BBX: variants seen among roughly 807,000 people sequenced by gnomAD.
The protein encoded by BBX is BBX high mobility group box domain containing.
BBX carries 30 observed loss-of-function variants against 100.2 expected under a neutral mutation model. The observed-to-expected ratio is 0.30, with a 90% CI of 0.22 to 0.41. The LOEUF (loss-of-function observed/expected upper bound fraction) is 0.41. Among genes scored for constraint, BBX ranks in the 10% least tolerant of loss-of-function variants. The probability of loss-of-function intolerance (pLI) is 1.00; values close to 1 mark genes in which losing one functional copy is unlikely to be tolerated. For synonymous variants in BBX, 376 were observed against 388.1 expected, an observed-to-expected ratio of 0.97 and a Z score of 0.37; for missense variants, 1,023 against 1,129.8, an observed-to-expected ratio of 0.91 and a Z score of 1.35.
chr3:107,609,819 C>T (rs1028608543), intron 2 of BBX, among the ~76,000 whole-genome samples: 1 of 151,800 alleles, frequency 6.6e-6, no homozygotes, highest in African/African-American at 2.4e-5. Context: ...TTCAAAAAAA[C>T]CAGCTTTTCA....
chr3:107,751,072 A>G (rs1051721510), intron 9 of BBX, among the ~76,000 whole-genome samples: 13 of 142,326 alleles, frequency 9.1e-5, no homozygotes, highest in Admixed American at 6.6e-4. Flanking sequence ...CCACTGCTCT[A>G]TAGTTATGTG....
At chr3:107,688,374 A>G (rs146652312) in intron 3 of BBX, among the ~76,000 whole-genome samples, 45 of 152,336 alleles carry the variant, frequency 3.0e-4, no homozygotes, top group African/African-American at 1.0e-3. Flanking sequence ...GCCCAAAGTA[A>G]GAGAATCCAG....
At position 107,670,376 on chromosome 3, in the gene BBX, C is replaced by T. The variant is rs572251072; in HGVS notation, c.-10+24467C>T. Among the ~76,000 whole-genome samples, 8 of 152,054 alleles carry T rather than the reference C, an allele frequency of 5.3e-5. No individual in the cohort carries two copies. In the East Asian group the frequency reaches 1.5e-3, roughly 29 times the overall value. On this transcript the variant is annotated intron_variant, in intron 3 of 17. Transcript: ENST00000325805. The stretch of plus-strand genomic sequence containing the variant: ...CTAGTGTAATACTGCTGTTGAATGA[C>T]TGTAGTTAATAATAATATATAGTTT...
chr3:107,678,455 C>T (rs566468656), intron 3 of BBX, among the ~76,000 whole-genome samples: 4 of 152,090 alleles, frequency 2.6e-5, no homozygotes, highest in African/African-American at 7.2e-5. Flanking sequence ...CATGGTGGCT[C>T]AAGCCTATAA....
rs191904048 is a variant in BBX at position 107,689,528 on chromosome 3, T to C, written c.-9-20924T>C. On this transcript the variant is annotated intron_variant, in intron 3 of 17. Transcript: ENST00000325805. ...TGCAGCACTCACGGGCTGTCAGTCA[T>C]AACGACTTCTGAGAGTACTTTAAGA... Among the ~76,000 whole-genome samples, 528 of 152,318 alleles carry C rather than the reference T, an allele frequency of 3.5e-3. 2 individuals are homozygous for C. The highest frequency in any genetic ancestry group is 4.1e-3 in the Non-Finnish European group (277 of 68,024).
At chr3:107,700,042 C>G (rs1414146727) in intron 3 of BBX, among the ~76,000 whole-genome samples, 2 of 151,988 alleles carry the variant, frequency 1.3e-5, no homozygotes, top group Admixed American at 1.3e-4. Flanking sequence ...TGGATCCTAG[C>G]TGCATTAGGC....
rs553918786 is a variant in BBX at position 107,636,372 on chromosome 3, A to G, written c.-83-9464A>G. Among the ~76,000 whole-genome samples, 5 of 152,358 alleles carry G rather than the reference A, an allele frequency of 3.3e-5. No individual in the cohort carries two copies. In the South Asian group the frequency reaches 1.0e-3, roughly 32 times the overall value. On this transcript the variant is annotated intron_variant, in intron 2 of 17. Coordinates refer to ENST00000325805, the MANE Select transcript of BBX (RefSeq NM_001142568.3). Reference sequence around the variant, plus strand: ...GGAGACTGTACGATGAGCAGGCAAAAGCATACATGTCTATAATTTGCTGCT... The same window carrying G: ...GGAGACTGTACGATGAGCAGGCAAAGGCATACATGTCTATAATTTGCTGCT...
chr3:107,644,065 G>C (rs1255396492), intron 2 of BBX, among the ~76,000 whole-genome samples: 1 of 152,086 alleles, frequency 6.6e-6, no homozygotes, highest in Non-Finnish European at 1.5e-5. Flanking sequence ...GTTGCATCAT[G>C]GGTAATAAAT....
At chr3:107,675,100 T>C (rs1392936805) in intron 3 of BBX, among the ~76,000 whole-genome samples, 2 of 152,152 alleles carry the variant, frequency 1.3e-5, no homozygotes, top group African/African-American at 2.4e-5. Context: ...ATTTTAACTA[T>C]ACCATAAATG....
chr3:107,681,216 T>C (rs1035236257), intron 3 of BBX, among the ~76,000 whole-genome samples: 2 of 152,164 alleles, frequency 1.3e-5, no homozygotes, highest in African/African-American at 4.8e-5. Context: ...AGAGGTCACG[T>C]AGAAAATATT....
At chr3:107,781,044 A>G (rs2067831330) in intron 13 of BBX, among the ~76,000 whole-genome samples, 1 of 152,060 alleles carries the variant, frequency 6.6e-6, no homozygotes, top group Admixed American at 6.6e-5. Context: ...CATGACTTAT[A>G]CTAGGTGCCT....
intron 2 of BBX, among the ~76,000 whole-genome samples, chr3:107,551,584 T>A (rs1431030319): frequency 1.3e-5 from 2 of 152,246 alleles, no homozygotes; most frequent in Non-Finnish European, 2.9e-5. Flanking sequence ...CTTTCTGGCA[T>A]CACCGACCTC....
At chr3:107,744,822 A>G (rs1330221219) in intron 8 of BBX, 112 bp downstream of exon 8, 2 of 839,426 alleles carry the variant, frequency 2.4e-6, no homozygotes, top group Non-Finnish European at 3.9e-6. Flanking sequence ...CTCAACCATA[A>G]GTGGGAAAAT....
chr3:107,525,727 T>C (rs922632571), intron 1 of BBX, among the ~76,000 whole-genome samples: 1 of 152,336 alleles, frequency 6.6e-6, no homozygotes, highest in Admixed American at 6.5e-5. Context: ...CTGGTGGCCC[T>C]GCACTTGCCG....
intron 2 of BBX, among the ~76,000 whole-genome samples, chr3:107,613,243 A>G (rs915185128): frequency 1.3e-5 from 2 of 148,342 alleles, no homozygotes; most frequent in African/African-American, 5.0e-5. Flanking sequence ...GCTGGAGTGC[A>G]GTGGCGCATC....
In BBX at chr3:107,789,862, A is replaced by G. The variant is rs374206549; in HGVS notation, c.2279A>G (p.Asn760Ser). 83 of 1,549,442 alleles carry G rather than the reference A, an allele frequency of 5.4e-5. No homozygotes were observed. The highest frequency in any genetic ancestry group is 3.2e-4 in the East Asian group (13 of 40,908). Residue 760 changes from asparagine to serine, a missense_variant, in exon 14 of 18, where the codon AAT (asparagine) becomes AGT (serine). Asn to Ser is a conservative substitution (Grantham distance 46). Coordinates refer to ENST00000325805, the MANE Select transcript of BBX (RefSeq NM_001142568.3). ...SKYKHKKEKP[N>S]VPEKGSGDKW... The stretch of plus-strand genomic sequence containing the variant: ...TATAAGCACAAAAAGGAGAAGCCCA[A>G]TGTTCCGGAAAAAGGTATTGGTGCC...
chr3:107,602,471 T>C (rs2054132598), intron 2 of BBX, among the ~76,000 whole-genome samples: 1 of 152,178 alleles, frequency 6.6e-6, no homozygotes, highest in Non-Finnish European at 1.5e-5. Flanking sequence ...TCTCAGCACT[T>C]GGGAGGCCAA....
chr3:107,658,551 G>A (rs929006480), intron 3 of BBX, among the ~76,000 whole-genome samples: 13 of 151,966 alleles, frequency 8.6e-5, no homozygotes, highest in Admixed American at 5.9e-4. Context: ...GGAGTATTTG[G>A]GCCAACTGCA....
At chr3:107,670,754 A>G (rs1386628624) in intron 3 of BBX, among the ~76,000 whole-genome samples, 1 of 152,090 alleles carries the variant, frequency 6.6e-6, no homozygotes, top group Non-Finnish European at 1.5e-5. Flanking sequence ...TTATTTTTTA[A>G]TGAGAGGATC....
Sources: gnomAD v4.1 joint callset for allele counts (sites outside exome capture counted in the v4.1 genomes callset) on GRCh38, gnomAD v4.1.1 for gene constraint, MANE v1.5 for transcripts, NCBI Gene and HGNC (gene_info 2026-07-23, HGNC 2026-07-21) for gene names.